GLIS3: variants seen among roughly 807,000 people sequenced by gnomAD.
The protein encoded by GLIS3 is zinc finger protein GLIS3.
GLIS3 carries 53 observed loss-of-function variants against 78.6 expected under a neutral mutation model. The observed-to-expected ratio is 0.67, with a 90% CI of 0.54 to 0.85. The LOEUF is 0.85. Among genes scored for constraint, GLIS3 ranks in the 40% least tolerant of loss-of-function variants. The pLI is 0.00. For missense variants in GLIS3, 1,703 were observed against 1,231.1 expected (o/e 1.38, Z -5.74); for synonymous variants, 684 against 509.9 (o/e 1.34, Z -4.60).
At chr9:3,986,827 A>G (rs527864887) in intron 4 of GLIS3, among the ~76,000 whole-genome samples, 72 of 152,366 alleles carry the variant, frequency 4.7e-4, no homozygotes, top group African/African-American at 1.5e-3. Context: ...CCCATGTGCT[A>G]AACTTAACAG....
the GLIS3 span, among the ~76,000 whole-genome samples, chr9:4,364,485 A>G: frequency 6.6e-6 from 1 of 152,186 alleles, no homozygotes; most frequent in African/African-American, 2.4e-5. Context: ...GCTACCAATT[A>G]AAATTATGGT....
intron 1 of GLIS3, among the ~76,000 whole-genome samples, chr9:4,292,030 A>G (rs1816024495): frequency 6.6e-6 from 1 of 152,184 alleles, no homozygotes; most frequent in Non-Finnish European, 1.5e-5. Context: ...CAGTTATAAG[A>G]AATCACACAA....
At chr9:3,907,806 T>G (rs577871468) in intron 6 of GLIS3, among the ~76,000 whole-genome samples, 1 of 152,146 alleles carries the variant, frequency 6.6e-6, no homozygotes, top group Non-Finnish European at 1.5e-5. Flanking sequence ...TGAGTTCTCT[T>G]GCAAGTGCGT....
the GLIS3 span, among the ~76,000 whole-genome samples, chr9:4,480,848 A>AC: frequency 1.3e-5 from 2 of 151,574 alleles, no homozygotes; most frequent in African/African-American, 4.8e-5. Flanking sequence ...AAAAAAAAAA[A>AC]AACCCACCTA....
At chr9:4,466,344 T>C in the GLIS3 span, among the ~76,000 whole-genome samples, 1 of 152,196 alleles carries the variant, frequency 6.6e-6, no homozygotes, top group Non-Finnish European at 1.5e-5. Flanking sequence ...CAGGCCCAGA[T>C]GGCTTCACTG....
intron 9 of GLIS3, among the ~76,000 whole-genome samples, chr9:3,832,085 T>G (rs1432535404): frequency 2.6e-5 from 4 of 151,874 alleles, no homozygotes. Flanking sequence ...ACTTAGCTTC[T>G]TGGTGCCTCA....
chr9:4,363,418 AAAG>A, the GLIS3 span, among the ~76,000 whole-genome samples: 1 of 152,212 alleles, frequency 6.6e-6, no homozygotes, highest in South Asian at 2.1e-4. Flanking sequence ...CAGAAGAAGC[AAAG>A]AAGGTTTTCA....
At chr9:3,953,339 C>T (rs1399958145) in intron 4 of GLIS3, among the ~76,000 whole-genome samples, 1 of 152,100 alleles carries the variant, frequency 6.6e-6, no homozygotes. Context: ...TACAGAAGGT[C>T]CCCTTTATCT....
At chr9:4,100,951 T>C (rs1830324999) in intron 4 of GLIS3, among the ~76,000 whole-genome samples, 1 of 152,104 alleles carries the variant, frequency 6.6e-6, no homozygotes, top group Non-Finnish European at 1.5e-5. Flanking sequence ...AGTTATGTAA[T>C]ATAATAGCCA....
intron 4 of GLIS3, among the ~76,000 whole-genome samples, chr9:4,098,765 C>T (rs948865674): frequency 3.3e-5 from 5 of 152,114 alleles, no homozygotes; most frequent in Admixed American, 2.0e-4. Context: ...CCAAGGATCA[C>T]GATTTAAATA....
At chr9:4,263,506 T>C (rs549362054) in intron 2 of GLIS3, among the ~76,000 whole-genome samples, 6 of 74,494 alleles carry the variant, frequency 8.1e-5, no homozygotes, top group East Asian at 2.9e-4. Context: ...AAAGATTGCA[T>C]TGAGGCCAAA....
At chr9:4,370,666 A>G in the GLIS3 span, among the ~76,000 whole-genome samples, 2 of 151,470 alleles carry the variant, frequency 1.3e-5, no homozygotes, top group African/African-American at 4.8e-5. Flanking sequence ...TATGTATTTA[A>G]TATACATAAT....
At chr9:4,003,231 A>G (rs907807733) in intron 4 of GLIS3, among the ~76,000 whole-genome samples, 3 of 152,138 alleles carry the variant, frequency 2.0e-5, no homozygotes, top group African/African-American at 7.2e-5. Flanking sequence ...AAAATTTAAC[A>G]TACTATCTTT....
chr9:4,003,511 T>C (rs144408801), intron 4 of GLIS3, among the ~76,000 whole-genome samples: 4 of 152,270 alleles, frequency 2.6e-5, no homozygotes, highest in East Asian at 1.9e-4. Context: ...TCTTATAGAA[T>C]TGCATGCTAT....
the GLIS3 span, among the ~76,000 whole-genome samples, chr9:4,427,619 G>A: frequency 2.0e-3 from 307 of 152,260 alleles, no homozygotes; most frequent in African/African-American, 7.0e-3. Flanking sequence ...AGCATTTTGG[G>A]AGGCTGAGGC....
chr9:4,455,117 C>T, the GLIS3 span, among the ~76,000 whole-genome samples: 2 of 152,028 alleles, frequency 1.3e-5, no homozygotes, highest in African/African-American at 4.8e-5. Flanking sequence ...CCTAAAATAG[C>T]AATATAAAAA....
chr9:3,911,348 G>T (rs923311817), intron 6 of GLIS3, among the ~76,000 whole-genome samples: 1 of 152,156 alleles, frequency 6.6e-6, no homozygotes, highest in South Asian at 2.1e-4. Flanking sequence ...TATCCTGGGA[G>T]GCTACCTTTC....
At chr9:4,235,469 C>G (rs1295688717) in intron 2 of GLIS3, among the ~76,000 whole-genome samples, 2 of 152,136 alleles carry the variant, frequency 1.3e-5, no homozygotes, top group East Asian at 3.9e-4. Flanking sequence ...AGTCATTCAG[C>G]CATGCTGGAA....
rs560596821 is a variant in GLIS3, at chr9:3,888,155, C to T, written c.2129-8560G>A. On this transcript the variant is annotated intron_variant, in intron 7 of 10. Transcript: ENST00000381971. ...AAAAAAAGGAGAAAGACGGGGTAGA[C>T]GTGGCCAATCACTCCTGGAAGTTCT... 7.2e-5 allele frequency among the ~76,000 whole-genome samples: 11 copies of T among 152,222 alleles called. No individual in the cohort carries two copies. In the South Asian group the frequency reaches 1.0e-3, roughly 14 times the overall value.
Sources: gnomAD v4.1 joint callset for allele counts (sites outside exome capture counted in the v4.1 genomes callset) on GRCh38, gnomAD v4.1.1 for gene constraint, MANE v1.5 for transcripts, NCBI Gene and HGNC (gene_info 2026-07-23, HGNC 2026-07-21) for gene names.